The following TIAM2 variants were observed in gnomAD, a reference collection of about 807,000 sequenced individuals.
TIAM2 encodes rho guanine nucleotide exchange factor TIAM2.
TIAM2 carries 80 observed loss-of-function variants against 152.9 expected under a neutral mutation model. The observed-to-expected ratio is 0.52, with a 90% CI of 0.44 to 0.63. TIAM2 has a LOEUF of 0.63. TIAM2 is among the 30% of genes least tolerant of loss of function. The probability of loss-of-function intolerance (pLI) is 0.00; values close to 1 mark genes in which losing one functional copy is unlikely to be tolerated. For synonymous variants in TIAM2, 804 were observed against 838.0 expected (o/e 0.96, Z 0.70); for missense variants, 1,965 against 2,120.1 (o/e 0.93, Z 1.44).
chr6:155,241,670 C>G (rs950002722), intron 16 of TIAM2, among the ~76,000 whole-genome samples: 1 of 152,188 alleles, frequency 6.6e-6, no homozygotes, highest in African/African-American at 2.4e-5. Context: ...CAGGTAGCTT[C>G]CCAAAGCCCC....
chr6:155,063,589 C>T (rs1777631679), intron 1 of TIAM2, among the ~76,000 whole-genome samples: 1 of 151,998 alleles, frequency 6.6e-6, no homozygotes, highest in Non-Finnish European at 1.5e-5. Flanking sequence ...CAAGACCATC[C>T]TGGCCAACAT....
intron 12 of TIAM2, 96 bp downstream of exon 12, chr6:155,179,552 C>A: frequency 1.8e-6 from 2 of 1,117,912 alleles, no homozygotes; most frequent in Non-Finnish European, 2.6e-6. Context: ...CCCTTACATT[C>A]ACATTTTCAG....
At chr6:155,060,485 T>C (rs567709205) in intron 1 of TIAM2, among the ~76,000 whole-genome samples, 2 of 152,380 alleles carry the variant, frequency 1.3e-5, no homozygotes, top group Non-Finnish European at 2.9e-5. Context: ...ATTACTTTTT[T>C]ATTCAGCTAT....
At chr6:155,055,867 T>C (rs528762408) in intron 1 of TIAM2, among the ~76,000 whole-genome samples, 7 of 152,024 alleles carry the variant, frequency 4.6e-5, no homozygotes, top group Non-Finnish European at 8.8e-5. Flanking sequence ...GAGTCTGAAG[T>C]GGGAGGATCC....
At chr6:155,150,406 A>T (rs1288031922) in intron 7 of TIAM2, among the ~76,000 whole-genome samples, 1 of 152,146 alleles carries the variant, frequency 6.6e-6, no homozygotes, top group Non-Finnish European at 1.5e-5. Flanking sequence ...GGAAATGAAG[A>T]CTTCCTGGAA....
intron 19 of TIAM2, among the ~76,000 whole-genome samples, chr6:155,247,705 T>C (rs1298639767): frequency 2.6e-5 from 4 of 152,230 alleles, no homozygotes; most frequent in Non-Finnish European, 1.5e-5. Flanking sequence ...TGGGTATGCA[T>C]GAAATGTGTC....
At chr6:155,220,300 G>A (rs975836095) in intron 15 of TIAM2, among the ~76,000 whole-genome samples, 1 of 152,262 alleles carries the variant, frequency 6.6e-6, no homozygotes. Context: ...GGGGCTCAGA[G>A]TCTGCCTGCA....
intron 15 of TIAM2, among the ~76,000 whole-genome samples, chr6:155,224,399 T>C (rs1350066105): frequency 6.6e-6 from 1 of 152,210 alleles, no homozygotes; most frequent in African/African-American, 2.4e-5. Flanking sequence ...GGAAAAACTC[T>C]GCCTGGAAGT....
chr6:155,023,344 A>G (rs565539029), intron 1 of TIAM2, among the ~76,000 whole-genome samples: 17 of 152,306 alleles, frequency 1.1e-4, no homozygotes, highest in South Asian at 8.3e-4. Flanking sequence ...TGATGGGTCA[A>G]TGTGAGAGAC....
chr6:155,095,870 G>C (rs1315125059), intron 2 of TIAM2, among the ~76,000 whole-genome samples: 1 of 152,160 alleles, frequency 6.6e-6, no homozygotes, highest in East Asian at 1.9e-4. Flanking sequence ...TTTCTCCAAT[G>C]TTCCAATATA....
chr6:155,073,016 A>G (rs1777875418), intron 1 of TIAM2, among the ~76,000 whole-genome samples: 1 of 152,156 alleles, frequency 6.6e-6, no homozygotes, highest in South Asian at 2.1e-4. Context: ...TTAAGAACAA[A>G]GTTTACTTTT....
intron 7 of TIAM2, among the ~76,000 whole-genome samples, chr6:155,160,619 A>C (rs747294894): frequency 6.6e-6 from 1 of 152,082 alleles, no homozygotes; most frequent in Non-Finnish European, 1.5e-5. Flanking sequence ...AAATGCAAAA[A>C]TTAGCCAAGC....
At chr6:155,231,451 A>G (rs1245272917) in intron 15 of TIAM2, among the ~76,000 whole-genome samples, 2 of 152,236 alleles carry the variant, frequency 1.3e-5, no homozygotes, top group African/African-American at 4.8e-5. Flanking sequence ...ATCACTATAA[A>G]ATGAATGGTT....
At chr6:155,154,110 C>T (rs2115077583) in intron 7 of TIAM2, among the ~76,000 whole-genome samples, 1 of 152,322 alleles carries the variant, frequency 6.6e-6, no homozygotes, top group Admixed American at 6.5e-5. Flanking sequence ...AAGCATTTAG[C>T]TTTCTCTAAA....
At chr6:155,095,312 G>T (rs1317694977) in intron 2 of TIAM2, among the ~76,000 whole-genome samples, 2 of 152,206 alleles carry the variant, frequency 1.3e-5, no homozygotes, top group Non-Finnish European at 2.9e-5. Context: ...AGTACGAACA[G>T]AATCTGGCTT....
chr6:155,250,006 T>C, intron 21 of TIAM2, 37 bp downstream of exon 21: 1 of 1,541,772 alleles, frequency 6.5e-7, no homozygotes, highest in Non-Finnish European at 8.9e-7. Flanking sequence ...GCCTAGTGCA[T>C]GTGGTGTGGG....
At chr6:155,177,950 A>G (rs1340785919) in intron 10 of TIAM2, among the ~76,000 whole-genome samples, 2 of 152,108 alleles carry the variant, frequency 1.3e-5, no homozygotes, top group Non-Finnish European at 2.9e-5. Context: ...CGAGGAGGTC[A>G]GGAGATCGAG....
At chr6:155,187,573 C>CCTTGTTTTTTTTTTT (rs1189509294) in intron 14 of TIAM2, among the ~76,000 whole-genome samples, 1 of 49,614 alleles carries the variant, frequency 2.0e-5, no homozygotes, top group African/African-American at 7.9e-5. Flanking sequence ...ACCCCGCCCC[C>CCTTGTTTTTTTTTTT]TTTTTTTTTT....
intron 14 of TIAM2, among the ~76,000 whole-genome samples, chr6:155,193,402 TCA>T (rs1491102664): frequency 8.8e-6 from 1 of 113,704 alleles, no homozygotes; most frequent in Non-Finnish European, 1.8e-5. Context: ...AGACCTTGTC[TCA>T]AAAAAAAATG....
Sources: allele counts gnomAD v4.1 joint callset (sites outside exome capture counted in the v4.1 genomes callset), GRCh38; gene constraint gnomAD v4.1.1; transcripts MANE v1.5; gene names NCBI Gene and HGNC (gene_info 2026-07-23, HGNC 2026-07-21).